Variants in RBFOX3 observed in about 807,000 individuals in gnomAD.
The protein encoded by RBFOX3 is RNA binding protein fox-1 homolog 3.
A neutral mutation model predicts 48.7 loss-of-function variants in RBFOX3; 17 were observed. The observed-to-expected ratio is 0.35, with a 90% CI of 0.24 to 0.52. The LOEUF is 0.52. RBFOX3 is among the 20% of genes least tolerant of loss of function. The pLI is 0.94. For missense variants in RBFOX3, 382 were observed against 497.5 expected (o/e 0.77, Z 2.21); for synonymous variants, 212 against 209.5 (o/e 1.01, Z -0.10).
rs1297849473 is a variant in RBFOX3 at position 79,103,858 on chromosome 17, G to A, written c.414+215C>T. Among the ~76,000 whole-genome samples the A allele has an allele frequency of 6.8e-6, 1 of 146,460 alleles. No individual in the cohort carries two copies. The highest frequency in any genetic ancestry group is 1.5e-5 in the Non-Finnish European group (1 of 66,398). On this transcript the variant is annotated intron_variant, in intron 7 of 14. Coordinates refer to ENST00000693108, the MANE Select transcript of RBFOX3 (RefSeq NM_001350451.2). The surrounding 1 kb of genome is among the most constrained non-coding windows in gnomAD (Gnocchi z 6.1). ...TGGGGTGCAGGCAAGAGGTCCTGGT[G>A]GCTCAGAAAGAAAAAGCGGCAGCGG...
chr17:79,589,776 C>T (rs1468320310), intron 1 of RBFOX3, among the ~76,000 whole-genome samples: 7 of 152,136 alleles, frequency 4.6e-5, no homozygotes, highest in Non-Finnish European at 7.4e-5. Flanking sequence ...TGGCCTGCAT[C>T]GTCCCACCAT....
intron 2 of RBFOX3, among the ~76,000 whole-genome samples, chr17:79,460,344 C>T (rs1021073499): frequency 1.1e-4 from 17 of 152,046 alleles, no homozygotes; most frequent in Non-Finnish European, 2.1e-4. Flanking sequence ...GTCCTCTCTA[C>T]CTCAACTCCA....
intron 3 of RBFOX3, among the ~76,000 whole-genome samples, chr17:79,266,527 G>T (rs2066737401): frequency 1.3e-5 from 2 of 152,136 alleles, no homozygotes; most frequent in Non-Finnish European, 2.9e-5. Flanking sequence ...TACTGGGCCG[G>T]GTTCCCAACG....
chr17:79,316,994 GCA>G (rs1280763256), intron 2 of RBFOX3, among the ~76,000 whole-genome samples: 1 of 152,084 alleles, frequency 6.6e-6, no homozygotes, highest in Non-Finnish European at 1.5e-5. Context: ...GCATGTGCAC[GCA>G]CACACACAGA....
the RBFOX3 span, among the ~76,000 whole-genome samples, chr17:79,617,464 C>T: frequency 1.3e-5 from 2 of 152,090 alleles, no homozygotes; most frequent in African/African-American, 4.8e-5. Flanking sequence ...CCAGGGAAGG[C>T]TGAATCACAA....
intron 1 of RBFOX3, among the ~76,000 whole-genome samples, chr17:79,485,731 G>C (rs973947068): frequency 6.6e-6 from 1 of 152,208 alleles, no homozygotes; most frequent in Non-Finnish European, 1.5e-5. Flanking sequence ...TCCACAGGCC[G>C]CCGAGTCCGG....
At chr17:79,333,755 C>T (rs1327577794) in intron 2 of RBFOX3, among the ~76,000 whole-genome samples, 1 of 152,190 alleles carries the variant, frequency 6.6e-6, no homozygotes, top group African/African-American at 2.4e-5. Flanking sequence ...TGAGTCTCCC[C>T]CAGCTCCCTG....
chr17:79,228,722 T>A (rs1195829560), intron 4 of RBFOX3, among the ~76,000 whole-genome samples: 4 of 152,168 alleles, frequency 2.6e-5, no homozygotes, highest in Non-Finnish European at 4.4e-5. Context: ...TAGCCGTGAG[T>A]TTGGGTTAAC....
At chr17:79,557,652 T>C (rs1347533149) in intron 1 of RBFOX3, among the ~76,000 whole-genome samples, 1 of 152,208 alleles carries the variant, frequency 6.6e-6, no homozygotes, top group Non-Finnish European at 1.5e-5. Flanking sequence ...TCTGAAGAAA[T>C]GTTCTGTGTG....
rs559176738 is a variant in RBFOX3, at chr17:79,150,755, G to A, written c.-33-35007C>T. ...AGCCAGAGAAGAGGCAGGTAGGGAT[G>A]GGCACTTCCGAGAAAAGAGGGGGGC... On this transcript the variant is annotated intron_variant, in intron 4 of 14. Transcript: ENST00000693108. Among the ~76,000 whole-genome samples the A allele has an allele frequency of 5.9e-5, 9 of 152,308 alleles. No individual in the cohort carries two copies. The South Asian group carries it at 1.9e-3, about 32-fold the overall frequency.
intron 1 of RBFOX3, among the ~76,000 whole-genome samples, chr17:79,588,521 C>A (rs954207669): frequency 2.6e-5 from 4 of 152,170 alleles, no homozygotes; most frequent in Admixed American, 1.3e-4. Context: ...TTAGGAAGAA[C>A]CTGCAAGCCA....
At chr17:79,095,886 C>T (rs1008227399) in intron 12 of RBFOX3, among the ~76,000 whole-genome samples, 3 of 152,218 alleles carry the variant, frequency 2.0e-5, no homozygotes, top group African/African-American at 4.8e-5. Flanking sequence ...CACACATTAG[C>T]GGGTACCCAT....
intron 4 of RBFOX3, among the ~76,000 whole-genome samples, chr17:79,173,113 G>A (rs1599798221): frequency 6.6e-6 from 1 of 152,204 alleles, no homozygotes; most frequent in Admixed American, 6.5e-5. Flanking sequence ...GGGAGGCTGA[G>A]GCACGAGAAT....
chr17:79,566,064 C>T (rs1452403993), intron 1 of RBFOX3, among the ~76,000 whole-genome samples: 1 of 152,196 alleles, frequency 6.6e-6, no homozygotes, highest in Non-Finnish European at 1.5e-5. Flanking sequence ...ATCCTTCCAG[C>T]TCCCTGTCAT....
intron 5 of RBFOX3, among the ~76,000 whole-genome samples, chr17:79,113,839 C>T (rs780606607): frequency 2.8e-4 from 43 of 152,182 alleles, no homozygotes; most frequent in African/African-American, 4.6e-4. Flanking sequence ...GCCTGGAACA[C>T]GGCAGGTGCT....
intron 14 of RBFOX3, among the ~76,000 whole-genome samples, chr17:79,093,050 T>C (rs997468306): frequency 1.3e-5 from 2 of 152,212 alleles, no homozygotes; most frequent in African/African-American, 2.4e-5. Context: ...GGCGGGTTCC[T>C]GGGCCTTGGC....
chr17:79,495,722 T>G (rs559438004), intron 1 of RBFOX3, among the ~76,000 whole-genome samples: 1 of 21,424 alleles, frequency 4.7e-5, no homozygotes, highest in South Asian at 1.4e-3. Context: ...GGGGTGCAGA[T>G]GGAGGGAGGT....
chr17:79,369,323 C>T (rs1034134791), intron 2 of RBFOX3, among the ~76,000 whole-genome samples: 2 of 151,786 alleles, frequency 1.3e-5, no homozygotes, highest in Non-Finnish European at 2.9e-5. Context: ...AGTCTGCCCC[C>T]ACTCCCCGGG....
chr17:79,565,084 T>C (rs1433113586), intron 1 of RBFOX3, among the ~76,000 whole-genome samples: 3 of 150,644 alleles, frequency 2.0e-5, no homozygotes, highest in Non-Finnish European at 4.4e-5. Flanking sequence ...TCATATTAAG[T>C]AAAAACAGGG....
Sources: allele counts gnomAD v4.1 joint callset (sites outside exome capture counted in the v4.1 genomes callset), GRCh38; gene constraint gnomAD v4.1.1; non-coding constraint Gnocchi (gnomAD v3.1); transcripts MANE v1.5; gene names NCBI Gene and HGNC (gene_info 2026-07-23, HGNC 2026-07-21).